The following RNASE9 variants were observed in gnomAD, a reference collection of about 807,000 sequenced individuals.
RNASE9 encodes the protein inactive ribonuclease-like protein 9.
For synonymous variants in RNASE9, 95 were observed against 87.6 expected (o/e 1.08, Z -0.47); for missense variants, 263 against 247.1 (o/e 1.06, Z -0.43).
At position 20,558,207 on chromosome 14, in the gene RNASE9, T is replaced by C. The variant is rs1883790321; in HGVS notation, c.-1138A>G. ...ACCAGGCTCGTTGTAAAAGAAGTCC[T>C]ACTTGGTGGCAACCTGAGTGATTCT... On this transcript the variant is annotated 5_prime_UTR_variant, in exon 3 of 3. Coordinates refer to ENST00000555230, the Ensembl canonical transcript of RNASE9. 6 of 418,248 alleles carry C rather than the reference T, an allele frequency of 1.4e-5. No homozygotes were observed. The Admixed American group carries it at 1.8e-4, about 13-fold the overall frequency. 25.9% of individuals were successfully genotyped at this position (418,248 alleles called of 1,614,324 possible). A position where few individuals can be genotyped will look rare whatever the true frequency, so the allele number is the denominator to read the frequency against.
exon 3 of RNASE9, chr14:20,557,725 G>A (rs1430532702): frequency 6.5e-6 from 1 of 152,708 alleles, no homozygotes. Flanking sequence ...GTCATAGCTA[G>A]CATAATGAGG....
At chr14:20,559,527 T>C (rs904453867) in intron 2 of RNASE9, 55 bp downstream of exon 2, 16 of 152,154 alleles carry the variant, frequency 1.1e-4, no homozygotes, top group African/African-American at 3.9e-4. Flanking sequence ...GATCACTCAG[T>C]GTTTCTGAAG....
At chr14:20,559,216 C>A (rs1883848655) in intron 2 of RNASE9, among the ~76,000 whole-genome samples, 1 of 151,968 alleles carries the variant, frequency 6.6e-6, no homozygotes, top group Admixed American at 6.6e-5. Flanking sequence ...TATCAAGTAG[C>A]TGGGCCTACA....
chr14:20,556,799 T>G, exon 3 of RNASE9: 1 of 1,613,818 alleles, frequency 6.2e-7, no homozygotes, highest in South Asian at 1.1e-5. Flanking sequence ...TAGTAAACAT[T>G]TTTTCCCATG....
chr14:20,559,963 T>C (rs1258958448), intron 1 of RNASE9, among the ~76,000 whole-genome samples: 1 of 152,152 alleles, frequency 6.6e-6, no homozygotes, highest in East Asian at 1.9e-4. Flanking sequence ...AGAAAGGCCT[T>C]GGAGGGGTTG....
exon 3 of RNASE9, chr14:20,558,361 T>C: frequency 1.5e-6 from 1 of 655,134 alleles, no homozygotes; most frequent in East Asian, 2.7e-5. Context: ...TAAAGAAAGG[T>C]GGGTGTTGGG....
Position 20,556,418 on chromosome 14 carries a change from T to G in RNASE9, c.*34A>C, listed in dbSNP as rs371877152. On this transcript the variant is annotated 3_prime_UTR_variant, in exon 3 of 3. Coordinates refer to ENST00000555230, the Ensembl canonical transcript of RNASE9. ...ATAAGGATCAGTATGGAGAGAAATA[T>G]TCCTCCCACCCTAAGCTCTCAGAGA... The G allele has an allele frequency of 3.9e-5, 57 of 1,462,240 alleles. No homozygotes were observed. The African/African-American group carries it at 7.5e-4, about 19-fold the overall frequency. 90.6% of individuals were successfully genotyped at this position (1,462,240 alleles called of 1,614,324 possible).
At chr14:20,556,794 A>G in exon 3 of RNASE9, 2 of 1,613,828 alleles carry the variant, frequency 1.2e-6, no homozygotes, top group Non-Finnish European at 1.7e-6. Context: ...GTTTGTAGTA[A>G]ACATTTTTTC....
exon 2 of RNASE9, chr14:20,559,587 G>T (rs1883871526): frequency 6.6e-6 from 1 of 152,282 alleles, no homozygotes; most frequent in Non-Finnish European, 1.5e-5. Flanking sequence ...CCTACCTGTG[G>T]AATGCAGGCT....
At chr14:20,558,637 T>G in exon 3 of RNASE9, 1 of 1,510,712 alleles carries the variant, frequency 6.6e-7, no homozygotes, top group Non-Finnish European at 9.0e-7. Flanking sequence ...GCGGAGCCTC[T>G]GCAACATCTT....
chr14:20,559,970 G>T (rs1485793118), intron 1 of RNASE9, among the ~76,000 whole-genome samples: 1 of 152,118 alleles, frequency 6.6e-6, no homozygotes, highest in African/African-American at 2.4e-5. Context: ...CCTTGGAGGG[G>T]TTGTCTATCT....
chr14:20,558,951 T>A (rs2138860334), intron 2 of RNASE9, among the ~76,000 whole-genome samples: 1 of 152,330 alleles, frequency 6.6e-6, no homozygotes, highest in East Asian at 1.9e-4. Flanking sequence ...GTTAGTGTGG[T>A]CTTTTTTCAC....
exon 2 of RNASE9, chr14:20,559,599 C>G (rs1223027373): frequency 6.6e-6 from 1 of 152,182 alleles, no homozygotes; most frequent in Non-Finnish European, 1.5e-5. Context: ...ATGCAGGCTT[C>G]TTGGTTTTTC....
chr14:20,556,255 G>A, exon 3 of RNASE9: 1 of 528,690 alleles, frequency 1.9e-6, no homozygotes, highest in Non-Finnish European at 3.3e-6. Context: ...TAACTTAGGG[G>A]ACCTGCATGA....
In RNASE9 at chr14:20,559,363, G is replaced by A. The variant is rs554202458; in HGVS notation, c.-1582+219C>T. Among the ~76,000 whole-genome samples the A allele has an allele frequency of 3.9e-5, 6 of 152,114 alleles. No individual in the cohort carries two copies. The East Asian group carries it at 5.8e-4, about 15-fold the overall frequency. On this transcript the variant is annotated intron_variant, in intron 2 of 2. Transcript: ENST00000555230. ...ACACAAAGTAGATTATAGGGTGCCC[G>A]GGACAGGTGGTAGAAATGGGGATTA...
intron 2 of RNASE9, among the ~76,000 whole-genome samples, 198 bp downstream of exon 2, chr14:20,559,384 G>A (rs10145245): frequency 0.013 from 1,914 of 147,498 alleles, 30 homozygotes; most frequent in African/African-American, 0.044. Context: ...TAGAAATGGG[G>A]ATTAACAGTA....
exon 3 of RNASE9, chr14:20,558,292 T>C: frequency 1.7e-6 from 1 of 586,008 alleles, no homozygotes; most frequent in South Asian, 2.0e-5. Context: ...AGCCTCCTGT[T>C]CTAGGCTGGA....
exon 3 of RNASE9, chr14:20,557,220 G>A (rs1883742442): frequency 5.3e-6 from 4 of 749,464 alleles, no homozygotes; most frequent in East Asian, 5.3e-5. Context: ...ACTCATAATC[G>A]ATCTGAATAC....
Position 20,558,326 on chromosome 14 carries a change from T to C in RNASE9, c.-1257A>G, listed in dbSNP as rs73575074. 4,794 of 625,194 alleles carry C rather than the reference T, an allele frequency of 7.7e-3. 175 individuals are homozygous for C. Among genetic ancestry groups the C allele is most frequent in the African/African-American group, 0.076 (4,137 of 54,390 alleles). 38.7% of individuals were successfully genotyped at this position (625,194 alleles called of 1,614,324 possible). A position where few individuals can be genotyped will look rare whatever the true frequency, so the allele number is the denominator to read the frequency against. On this transcript the variant is annotated 5_prime_UTR_variant, in exon 3 of 3. Coordinates refer to ENST00000555230, the Ensembl canonical transcript of RNASE9. Reference sequence around the variant, plus strand: ...GATACTAAGTTTGTATATATGTGTGTAGAAAGGTTAGAGAATGATGGAATT... The same window carrying C: ...GATACTAAGTTTGTATATATGTGTGCAGAAAGGTTAGAGAATGATGGAATT...
Sources: gnomAD v4.1 joint callset for allele counts (sites outside exome capture counted in the v4.1 genomes callset) on GRCh38, gnomAD v4.1.1 for gene constraint, MANE v1.5 for transcripts, NCBI Gene and HGNC (gene_info 2026-07-23, HGNC 2026-07-21) for gene names.